The following STK3 variants were observed in gnomAD, a reference collection of about 807,000 sequenced individuals.
STK3 encodes the protein serine/threonine kinase 3.
STK3 carries 41 observed loss-of-function variants against 58.0 expected under a neutral mutation model. The observed-to-expected ratio is 0.71, with a 90% CI of 0.55 to 0.92. The LOEUF (loss-of-function observed/expected upper bound fraction) is 0.92, where lower values mean the gene tolerates loss of function less well. Among genes scored for constraint, STK3 ranks in the 40% least tolerant of loss-of-function variants. The pLI is 0.00. For synonymous variants in STK3, 170 were observed against 191.0 expected (o/e 0.89, Z 0.91); for missense variants, 479 against 602.7 (o/e 0.79, Z 2.15).
intron 10 of STK3, among the ~76,000 whole-genome samples, chr8:98,506,274 AG>A (rs931975620): frequency 2.0e-5 from 3 of 152,162 alleles, no homozygotes; most frequent in African/African-American, 7.2e-5. Context: ...ATTTAGGTGG[AG>A]GCATCCCGTT....
intron 3 of STK3, chr8:98,412,951 G>T: frequency 3.7e-6 from 1 of 270,640 alleles, no homozygotes; most frequent in South Asian, 3.9e-5. Context: ...ATCAGGCACT[G>T]GAGCATCTGG....
intron 6 of STK3, among the ~76,000 whole-genome samples, chr8:98,704,231 A>G (rs191724679): frequency 5.9e-5 from 9 of 152,358 alleles, no homozygotes; most frequent in Non-Finnish European, 1.3e-4. Context: ...CAAGGAAAAC[A>G]AAAGGCAGTA....
intron 8 of STK3, among the ~76,000 whole-genome samples, chr8:98,557,186 C>G (rs188137672): frequency 6.6e-6 from 1 of 151,988 alleles, no homozygotes; most frequent in African/African-American, 2.4e-5. Context: ...TAACGGAATT[C>G]GGGGGCTGGT....
At chr8:98,508,008 C>T (rs886229073) in intron 10 of STK3, among the ~76,000 whole-genome samples, 1 of 152,076 alleles carries the variant, frequency 6.6e-6, no homozygotes, top group Non-Finnish European at 1.5e-5. Flanking sequence ...AAACTGTATA[C>T]TTTACTAATT....
chr8:98,513,120 G>GT (rs1824649635), intron 10 of STK3, among the ~76,000 whole-genome samples: 1 of 152,182 alleles, frequency 6.6e-6, no homozygotes, highest in Non-Finnish European at 1.5e-5. Context: ...GACTGAAAGT[G>GT]TTTAACTGTC....
intron 1 of STK3, among the ~76,000 whole-genome samples, chr8:98,923,844 TGTGTGTGTGTGC>T (rs1418643296): frequency 1.7e-5 from 2 of 119,984 alleles, no homozygotes; most frequent in African/African-American, 6.8e-5. Context: ...TGTGTGTGTG[TGTGTGTGTGTGC>T]GCGCGCGCGC....
chr8:98,469,024 G>A (rs1044891214), intron 10 of STK3, among the ~76,000 whole-genome samples: 1 of 152,154 alleles, frequency 6.6e-6, no homozygotes, highest in African/African-American at 2.4e-5. Flanking sequence ...CAGCAGAATC[G>A]CTTGAACCTG....
chr8:98,371,295 C>A (rs1232430488), downstream of STK3: 1 of 152,222 alleles, frequency 6.6e-6, no homozygotes, highest in African/African-American at 2.4e-5. Flanking sequence ...GAAATTAACA[C>A]ATATCAAATA....
At chr8:98,465,110 T>C (rs1462417494) in intron 10 of STK3, among the ~76,000 whole-genome samples, 1 of 152,172 alleles carries the variant, frequency 6.6e-6, no homozygotes, top group Non-Finnish European at 1.5e-5. Context: ...TTATTTACAA[T>C]GTGCTGAATA....
chr8:98,567,793 C>A (rs987103948), intron 8 of STK3, among the ~76,000 whole-genome samples: 1 of 152,138 alleles, frequency 6.6e-6, no homozygotes, highest in African/African-American at 2.4e-5. Flanking sequence ...CACAGTGGCT[C>A]ACACCTGTAA....
chr8:98,932,217 GAA>G (rs976245026), intron 1 of STK3, among the ~76,000 whole-genome samples: 2 of 152,202 alleles, frequency 1.3e-5, no homozygotes, highest in African/African-American at 4.8e-5. Context: ...CTATGAGTAG[GAA>G]AACAGTTTTT....
intron 6 of STK3, among the ~76,000 whole-genome samples, chr8:98,631,926 A>G (rs1272128179): frequency 6.6e-6 from 1 of 152,230 alleles, no homozygotes; most frequent in Non-Finnish European, 1.5e-5. Flanking sequence ...CAGCCTCCCA[A>G]AGTGCTGGGA....
chr8:98,535,310 GAACAA>G (rs1809663692), intron 9 of STK3, among the ~76,000 whole-genome samples: 1 of 152,082 alleles, frequency 6.6e-6, no homozygotes. Context: ...GCTTTGGTAA[GAACAA>G]AACAAAAACA....
chr8:98,519,602 T>C (rs1825204391), intron 10 of STK3, among the ~76,000 whole-genome samples: 1 of 152,280 alleles, frequency 6.6e-6, no homozygotes, highest in African/African-American at 2.4e-5. Context: ...GTGACTTTTG[T>C]TTTGTTTCCC....
At chr8:98,478,013 G>A (rs1322750610) in intron 10 of STK3, among the ~76,000 whole-genome samples, 1 of 152,092 alleles carries the variant, frequency 6.6e-6, no homozygotes, top group East Asian at 1.9e-4. Context: ...GAGAGGTATA[G>A]GAAGAAAATT....
intron 3 of STK3, chr8:98,430,145 T>A (rs1752341028): frequency 6.0e-6 from 1 of 166,868 alleles, no homozygotes; most frequent in Admixed American, 6.6e-5. Context: ...CAAGAACAGA[T>A]GTGTTAGGGA....
chr8:98,440,147 C>T (rs1818637645), intron 1 of STK3, among the ~76,000 whole-genome samples: 1 of 152,028 alleles, frequency 6.6e-6, no homozygotes, highest in Non-Finnish European at 1.5e-5. Flanking sequence ...GTAGGCTGCT[C>T]CTGGGGCCCT....
intron 1 of STK3, among the ~76,000 whole-genome samples, chr8:98,381,452 G>A (rs925679169): frequency 9.9e-5 from 15 of 152,000 alleles, no homozygotes; most frequent in African/African-American, 2.9e-4. Flanking sequence ...TATTTAATCC[G>A]GGCATTAAAC....
chr8:98,708,232 C>T (rs1826111905), intron 4 of STK3, among the ~76,000 whole-genome samples: 1 of 152,086 alleles, frequency 6.6e-6, no homozygotes, highest in Admixed American at 6.6e-5. Context: ...TGATTTCCCA[C>T]ATCTTCTAAT....
Sources: allele counts gnomAD v4.1 joint callset (sites outside exome capture counted in the v4.1 genomes callset), GRCh38; gene constraint gnomAD v4.1.1; transcripts MANE v1.5; gene names NCBI Gene and HGNC (gene_info 2026-07-23, HGNC 2026-07-21).